The following FOXN2 variants were observed in gnomAD, a reference collection of about 807,000 sequenced individuals.
The protein encoded by FOXN2 is forkhead box protein N2.
Under a neutral mutation model 41.2 loss-of-function variants are expected in FOXN2, and 19 were observed. The ratio of observed to expected loss-of-function variants is 0.46; its 90% CI spans 0.32 to 0.68. The LOEUF is 0.68. Ranked by LOEUF, FOXN2 falls within the 30% of genes least tolerant of loss-of-function variation. The probability of loss-of-function intolerance (pLI) is 0.03; values close to 1 mark genes in which losing one functional copy is unlikely to be tolerated. For synonymous variants in FOXN2, 195 were observed against 176.8 expected (o/e 1.10, Z -0.82); for missense variants, 587 against 509.4 (o/e 1.15, Z -1.47).
chr2:48,334,142 A>T (rs1331412609), intron 2 of FOXN2, among the ~76,000 whole-genome samples: 1 of 152,168 alleles, frequency 6.6e-6, no homozygotes, highest in East Asian at 1.9e-4. Flanking sequence ...AAGAAAAAAA[A>T]ATCTCGTTTT....
chr2:48,338,219 A>AAC (rs1670493200), intron 2 of FOXN2, among the ~76,000 whole-genome samples: 1 of 152,210 alleles, frequency 6.6e-6, no homozygotes, highest in African/African-American at 2.4e-5. Context: ...TCAGAGAAGA[A>AAC]ATGCTGGAAG....
chr2:48,330,465 G>C (rs535255799), intron 2 of FOXN2, among the ~76,000 whole-genome samples: 1 of 152,266 alleles, frequency 6.6e-6, no homozygotes, highest in African/African-American at 2.4e-5. Flanking sequence ...CTTTTTCTAT[G>C]AAAAACATTG....
intron 1 of FOXN2, among the ~76,000 whole-genome samples, chr2:48,320,963 G>GT (rs1669274555): frequency 6.6e-6 from 1 of 152,070 alleles, no homozygotes; most frequent in Non-Finnish European, 1.5e-5. Context: ...TTGGTGGCTG[G>GT]TGGGTCAGTT....
chr2:48,375,092 A>T lies in FOXN2; in HGVS notation c.945A>T (p.Ala315=), dbSNP rs34829742. Residue 315 remains alanine, a synonymous_variant, in exon 7 of 7, where the codon GCA becomes GCT. Coordinates refer to ENST00000340553, the MANE Select transcript of FOXN2 (RefSeq NM_002158.4). The part of the protein sequence containing the change: ...SASSMAAQRC[A]SRSSVSSLSS... Reference sequence around the variant, plus strand: ...GTAGCATGGCAGCACAGCGTTGTGCATCCAGGTCTAGCGTGTCTTCCCTGT... The same window carrying T: ...GTAGCATGGCAGCACAGCGTTGTGCTTCCAGGTCTAGCGTGTCTTCCCTGT... 2.9e-3 allele frequency: 4,702 copies of T among 1,614,102 alleles called. 102 individuals carry two copies. The African/African-American group carries it at 0.055, about 19-fold the overall frequency.
chr2:48,361,815 T>C (rs989547093), intron 4 of FOXN2, among the ~76,000 whole-genome samples: 1 of 152,200 alleles, frequency 6.6e-6, no homozygotes, highest in Non-Finnish European at 1.5e-5. Flanking sequence ...TCCATGAATA[T>C]AGAAAGTTTA....
intron 1 of FOXN2, among the ~76,000 whole-genome samples, chr2:48,319,203 A>C (rs1224565188): frequency 6.6e-6 from 1 of 151,470 alleles, no homozygotes; most frequent in African/African-American, 2.4e-5. Context: ...GAGAAAATAC[A>C]TGGGGAAAAT....
intron 6 of FOXN2, among the ~76,000 whole-genome samples, chr2:48,373,714 A>G (rs1467168173): frequency 6.6e-6 from 1 of 152,192 alleles, no homozygotes; most frequent in Non-Finnish European, 1.5e-5. Context: ...ACAAAATGCA[A>G]AATCCATGAA....
intron 3 of FOXN2, among the ~76,000 whole-genome samples, chr2:48,350,122 G>A (rs1226498415): frequency 6.6e-6 from 1 of 152,018 alleles, no homozygotes; most frequent in African/African-American, 2.4e-5. Context: ...ACCTAGAGCT[G>A]CATTCTTCAG....
At chr2:48,352,687 C>G (rs1671526319) in intron 3 of FOXN2, among the ~76,000 whole-genome samples, 2 of 152,280 alleles carry the variant, frequency 1.3e-5, no homozygotes, top group South Asian at 2.1e-4. Flanking sequence ...ATTTGGGTCT[C>G]AGCTAGAAAT....
chr2:48,363,899 C>G (rs1475028388), intron 5 of FOXN2, among the ~76,000 whole-genome samples: 1 of 152,166 alleles, frequency 6.6e-6, no homozygotes. Context: ...ATATTCCCGT[C>G]ATTAAACAAA....
intron 2 of FOXN2, among the ~76,000 whole-genome samples, chr2:48,336,238 T>C (rs1203213647): frequency 6.6e-6 from 1 of 151,590 alleles, no homozygotes; most frequent in East Asian, 1.9e-4. Flanking sequence ...ACCCAGTGTC[T>C]ACCAAAAATA....
intron 1 of FOXN2, among the ~76,000 whole-genome samples, chr2:48,324,456 A>C (rs557300427): frequency 3.2e-4 from 49 of 152,290 alleles, no homozygotes; most frequent in African/African-American, 1.1e-3. Context: ...GGCCTCCCAA[A>C]GTGCTTGGAC....
chr2:48,349,064 TA>T (rs1348881757), intron 3 of FOXN2, among the ~76,000 whole-genome samples: 1 of 152,174 alleles, frequency 6.6e-6, no homozygotes, highest in Non-Finnish European at 1.5e-5. Context: ...ATCTACTCAA[TA>T]TAGAGTCTAG....
At chr2:48,318,553 C>T (rs997564416) in intron 1 of FOXN2, among the ~76,000 whole-genome samples, 1 of 152,190 alleles carries the variant, frequency 6.6e-6, no homozygotes, top group Non-Finnish European at 1.5e-5. Context: ...GCCCACTTTC[C>T]TGCCTCCTTC....
At chr2:48,322,628 CTTCA>C (rs1318277380) in intron 1 of FOXN2, among the ~76,000 whole-genome samples, 1 of 151,612 alleles carries the variant, frequency 6.6e-6, no homozygotes, top group Non-Finnish European at 1.5e-5. Context: ...TCCTTTAAGT[CTTCA>C]TTTCTGAAAT....
intron 5 of FOXN2, among the ~76,000 whole-genome samples, chr2:48,368,134 G>A (rs1163735075): frequency 1.3e-5 from 2 of 151,778 alleles, no homozygotes; most frequent in South Asian, 2.1e-4. Flanking sequence ...GAGCCACCAC[G>A]CTTAGCCAAA....
chr2:48,340,024 T>C (rs1160860326), intron 2 of FOXN2, among the ~76,000 whole-genome samples: 3 of 152,228 alleles, frequency 2.0e-5, no homozygotes, highest in Admixed American at 2.0e-4. Context: ...TTTAATTTTA[T>C]GTGATGTTTA....
chr2:48,320,862 G>C (rs147101054), intron 1 of FOXN2, among the ~76,000 whole-genome samples: 1 of 152,278 alleles, frequency 6.6e-6, no homozygotes, highest in East Asian at 1.9e-4. Flanking sequence ...CAGGAATGTT[G>C]CTACTTTATT....
intron 5 of FOXN2, 47 bp downstream of exon 5, chr2:48,362,754 G>T (rs1228597268): frequency 6.6e-7 from 1 of 1,504,480 alleles, no homozygotes; most frequent in East Asian, 2.3e-5. Flanking sequence ...ACAATCTTTT[G>T]GTCAACAACA....
Sources: allele counts gnomAD v4.1 joint callset (sites outside exome capture counted in the v4.1 genomes callset), GRCh38; gene constraint gnomAD v4.1.1; transcripts MANE v1.5; gene names NCBI Gene and HGNC (gene_info 2026-07-23, HGNC 2026-07-21).